The following ATP2C2 variants were observed in gnomAD, a reference collection of about 807,000 sequenced individuals.
ATP2C2 encodes ATPase secretory pathway Ca2+ transporting 2, also known as calcium-transporting ATPase type 2C member 2.
Under a neutral mutation model 110.8 loss-of-function variants are expected in ATP2C2, and 171 were observed. The observed-to-expected ratio is 1.54, with a 90% CI of 1.36 to 1.75. The LOEUF is 1.75. Among genes scored for constraint, ATP2C2 ranks in the 40% most tolerant of loss-of-function variants. The pLI, the probability that ATP2C2 is intolerant of heterozygous loss-of-function variation, is 0.00. For synonymous variants in ATP2C2, 804 were observed against 508.4 expected, an observed-to-expected ratio of 1.58 and a Z score of -7.82; for missense variants, 1,963 against 1,235.0, an observed-to-expected ratio of 1.59 and a Z score of -8.84.
intron 16 of ATP2C2, among the ~76,000 whole-genome samples, chr16:84,446,672 C>T (rs951650354): frequency 1.2e-4 from 19 of 152,246 alleles, no homozygotes; most frequent in Non-Finnish European, 2.1e-4. Context: ...TGTTACCACG[C>T]GAGACTTTAT....
chr16:84,411,877 G>A (rs1006455684), intron 6 of ATP2C2, among the ~76,000 whole-genome samples: 1 of 152,142 alleles, frequency 6.6e-6, no homozygotes, highest in African/African-American at 2.4e-5. Flanking sequence ...CATTGGTGGA[G>A]GAAGCTGACA....
chr16:84,438,606 G>A (rs1908955857), intron 11 of ATP2C2, among the ~76,000 whole-genome samples: 1 of 152,130 alleles, frequency 6.6e-6, no homozygotes, highest in African/African-American at 2.4e-5. Context: ...GAGTTGGAGG[G>A]GTAAGAAAGA....
chr16:84,425,834 A>T (rs756468424), intron 11 of ATP2C2, 33 bp downstream of exon 11: 2 of 1,609,252 alleles, frequency 1.2e-6, no homozygotes, highest in African/African-American at 2.7e-5. Context: ...TTGCCTTGCC[A>T]GGGTGGTCAA....
At chr16:84,383,787 G>GTTTTTTTTTTTT (rs58587781) in intron 1 of ATP2C2, among the ~76,000 whole-genome samples, 1 of 100,848 alleles carries the variant, frequency 9.9e-6, no homozygotes. Context: ...GGTTTTGTTG[G>GTTTTTTTTTTTT]TTTTTTTTTT....
chr16:84,447,135 T>C (rs1486819617), intron 16 of ATP2C2, among the ~76,000 whole-genome samples: 1 of 152,180 alleles, frequency 6.6e-6, no homozygotes, highest in Non-Finnish European at 1.5e-5. Context: ...TACCGTTTTC[T>C]CCACCCCTCC....
intron 7 of ATP2C2, among the ~76,000 whole-genome samples, 158 bp from the exon 8 acceptor site, chr16:84,422,232 C>A (rs566663951): frequency 6.6e-6 from 1 of 152,192 alleles, no homozygotes; most frequent in East Asian, 1.9e-4. Context: ...CTTTTCTGAT[C>A]CTGGAGGCCT....
intron 11 of ATP2C2, among the ~76,000 whole-genome samples, chr16:84,430,848 G>A (rs1250759979): frequency 6.6e-6 from 1 of 152,072 alleles, no homozygotes; most frequent in Non-Finnish European, 1.5e-5. Context: ...GCATGGAAGA[G>A]ACAGACTTCA....
chr16:84,399,897 T>C (rs950822466), intron 2 of ATP2C2, among the ~76,000 whole-genome samples: 1 of 152,212 alleles, frequency 6.6e-6, no homozygotes, highest in African/African-American at 2.4e-5. Flanking sequence ...CCCATAGCCC[T>C]CTCCACTTTC....
chr16:84,422,380 G>C lies in ATP2C2; in HGVS notation c.625-10G>C, dbSNP rs370186672. On this transcript the variant is annotated splice_polypyrimidine_tract_variant and intron_variant, in intron 7 of 26. Coordinates refer to ENST00000262429, the MANE Select transcript of ATP2C2 (RefSeq NM_014861.4). ...AGAGATTCCACAGCCTTTTCCCCTT[G>C]CTCTCCTAGGTCACGGACCTCTTGG... 6.8e-6 allele frequency: 11 copies of C among 1,611,090 alleles called. No homozygotes were observed. In the African/African-American group the frequency reaches 8.0e-5, roughly 12 times the overall value.
intron 11 of ATP2C2, 38 bp downstream of exon 11, chr16:84,425,839 G>C (rs1373710336): frequency 1.6e-5 from 25 of 1,603,326 alleles, no homozygotes; most frequent in Non-Finnish European, 2.1e-5. Flanking sequence ...TTGCCAGGGT[G>C]GTCAATGGGC....
intron 1 of ATP2C2, among the ~76,000 whole-genome samples, chr16:84,372,616 G>C (rs537959331): frequency 6.6e-6 from 1 of 151,880 alleles, no homozygotes; most frequent in East Asian, 2.0e-4. Flanking sequence ...GTAGAGATGG[G>C]GGTTTCACCA....
chr16:84,380,511 C>T (rs1202680589), intron 1 of ATP2C2, among the ~76,000 whole-genome samples: 1 of 152,114 alleles, frequency 6.6e-6, no homozygotes, highest in Non-Finnish European at 1.5e-5. Flanking sequence ...TTGGGGGAGG[C>T]GGAGGGAGGA....
rs141275213 is a variant in ATP2C2 at position 84,445,015 on chromosome 16, C to A, written c.1402-1314C>A. ...GGTGATTTAGTGTAACCAAAACACA[C>A]TGAAACACAGCTCTGTGGCCAGAAG... is the stretch of plus-strand genomic sequence containing the variant. On this transcript the variant is annotated intron_variant, in intron 15 of 26. Transcript: ENST00000262429. Among the ~76,000 whole-genome samples the A allele has an allele frequency of 4.1e-3, 624 of 152,250 alleles. 5 individuals are homozygous for A. The highest frequency in any genetic ancestry group is 0.014 in the African/African-American group (597 of 41,540).
chr16:84,435,033 C>T (rs966678698), intron 11 of ATP2C2, among the ~76,000 whole-genome samples: 1 of 152,240 alleles, frequency 6.6e-6, no homozygotes, highest in Non-Finnish European at 1.5e-5. Flanking sequence ...TGATCAGATT[C>T]TGTAATCTTG....
chr16:84,401,372 G>A (rs1032032167), intron 2 of ATP2C2, among the ~76,000 whole-genome samples: 7 of 152,072 alleles, frequency 4.6e-5, no homozygotes, highest in African/African-American at 1.4e-4. Flanking sequence ...TTACAGGCAT[G>A]CACAACCACA....
chr16:84,399,009 G>T (rs933690637), intron 2 of ATP2C2, among the ~76,000 whole-genome samples: 1 of 152,222 alleles, frequency 6.6e-6, no homozygotes, highest in Non-Finnish European at 1.5e-5. Flanking sequence ...TTGGTCATCC[G>T]GTATTCCCAC....
chr16:84,389,129 C>G (rs529148889), intron 1 of ATP2C2, among the ~76,000 whole-genome samples: 2 of 152,294 alleles, frequency 1.3e-5, no homozygotes, highest in African/African-American at 4.8e-5. Flanking sequence ...TGCCTCTTCT[C>G]TTTCTCTGAA....
chr16:84,372,428 C>T (rs1277737332), intron 1 of ATP2C2, among the ~76,000 whole-genome samples: 3 of 152,128 alleles, frequency 2.0e-5, no homozygotes, highest in Non-Finnish European at 4.4e-5. Context: ...AAATGTACTG[C>T]AACCCCACAG....
intron 26 of ATP2C2, chr16:84,462,579 T>C (rs1187641438): frequency 6.3e-6 from 1 of 157,494 alleles, no homozygotes; most frequent in Middle Eastern, 3.0e-3. Context: ...AGGGACATGA[T>C]TCAGTCACCG....
Sources: gnomAD v4.1 joint callset for allele counts (sites outside exome capture counted in the v4.1 genomes callset) on GRCh38, gnomAD v4.1.1 for gene constraint, MANE v1.5 for transcripts, NCBI Gene and HGNC (gene_info 2026-07-23, HGNC 2026-07-21) for gene names.